Variants in ZNF692 observed in about 807,000 individuals in gnomAD.
ZNF692 encodes the protein zinc finger protein 692.
Under a neutral mutation model 49.0 loss-of-function variants are expected in ZNF692, and 41 were observed. The observed-to-expected ratio is 0.84, with a 90% CI of 0.65 to 1.08. The LOEUF (loss-of-function observed/expected upper bound fraction) is 1.08, where lower values mean the gene tolerates loss of function less well. Ranked by LOEUF, ZNF692 falls within the 50% of genes least tolerant of loss-of-function variation. The pLI is 0.00. For synonymous variants in ZNF692, 288 were observed against 251.5 expected (o/e 1.15, Z -1.37); for missense variants, 662 against 662.2 (o/e 1.00, Z 0.00).
Position 248,853,985 on chromosome 1 carries a change from A to G in ZNF692, c.1105T>C (p.Ser369Pro). ...FSCPEPACGK[S>P]FNFKKHLKEH... Reference sequence around the variant, plus strand: ...TTCAGGTGTTTCTTAAAGTTGAAAGACTTCCCACAGGCTGGCTCTGGGCAG... The same window carrying G: ...TTCAGGTGTTTCTTAAAGTTGAAAGGCTTCCCACAGGCTGGCTCTGGGCAG... The change falls in exon 10 of 12, where the codon TCT (serine) becomes CCT (proline). Residue 369 changes from serine to proline, a missense_variant. By Grantham distance (74) the Ser-to-Pro change is moderately conservative (BLOSUM62 -1). Transcript: ENST00000306601. 1.9e-6 allele frequency: 3 copies of G among 1,614,164 alleles called. No individual in the cohort carries two copies. Among genetic ancestry groups the G allele is most frequent in the Non-Finnish European group, 2.5e-6 (3 of 1,180,020 alleles).
chr1:248,858,533 G>T lies in ZNF692; in HGVS notation c.-12-212C>A. ...CTACCATGTGAGTGTCGTCGGGTGG[G>T]AGGCAGGCAGACAGAAGCAGTCAGA... On this transcript the variant is annotated intron_variant, in intron 1 of 11. Transcript: ENST00000306601. The surrounding 1 kb of genome is among the most constrained non-coding windows in gnomAD (Gnocchi z 4.3). 1 of 1,551,766 alleles carries T rather than the reference G, an allele frequency of 6.4e-7. No homozygotes were observed. Among genetic ancestry groups the T allele is most frequent in the South Asian group, 1.2e-5 (1 of 84,068 alleles).
chr1:248,857,725 C>G (rs1660403323), intron 3 of ZNF692, 103 bp downstream of exon 3: 1 of 1,530,842 alleles, frequency 6.5e-7, no homozygotes, highest in South Asian at 1.3e-5. Flanking sequence ...TCACCCCACC[C>G]TTCCCAAACT....
At chr1:248,857,708 CCCCAACTCACCCCA>C in intron 3 of ZNF692, 106 bp downstream of exon 3, 1 of 1,505,162 alleles carries the variant, frequency 6.6e-7, no homozygotes, top group Non-Finnish European at 8.9e-7. Flanking sequence ...ACCCTGTGCT[CCCCAACTCACCCCA>C]CCCTTCCCAA....
intron 4 of ZNF692, 89 bp downstream of exon 4, chr1:248,857,145 T>C (rs1027229981): frequency 7.5e-7 from 1 of 1,337,914 alleles, no homozygotes; most frequent in Non-Finnish European, 1.0e-6. Context: ...TGAAAAAGGA[T>C]CATTTTTAGA....
chr1:248,856,255 T>C, intron 6 of ZNF692, 33 bp downstream of exon 6: 1 of 1,552,384 alleles, frequency 6.4e-7, no homozygotes, highest in Non-Finnish European at 8.7e-7. Flanking sequence ...CTCCCTCTCT[T>C]GCTCTGCTCA....
rs1659433189 is a variant in ZNF692, at chr1:248,850,509, T to C, written c.1261A>G (p.Ile421Val). 1.2e-6 allele frequency: 2 copies of C among 1,606,240 alleles called. No homozygotes were observed. Among genetic ancestry groups the C allele is most frequent in the Non-Finnish European group, 1.7e-6 (2 of 1,175,628 alleles). The change falls in exon 12 of 12, where the codon ATA (isoleucine) becomes GTA (valine). Residue 421 changes from isoleucine to valine, a missense_variant. Coordinates refer to ENST00000306601, the MANE Select transcript of ZNF692 (RefSeq NM_017865.4). ...HTGEKPLQCEICGFTCRQKAS... is the reference protein window; with the variant it reads ...HTGEKPLQCEVCGFTCRQKAS... ...TTCTGGCGGCAGGTAAACCCGCATA[T>C]CTCACACCTGGAGTCAGGGACAGAA... is the stretch of plus-strand genomic sequence containing the variant.
At chr1:248,857,807 C>T (rs751331126) in intron 3 of ZNF692, 21 bp downstream of exon 3, 1 of 1,612,948 alleles carries the variant, frequency 6.2e-7, no homozygotes, top group Admixed American at 1.7e-5. Flanking sequence ...TGGCTCTCAC[C>T]CCCTGCCATC....
Position 248,855,771 on chromosome 1 carries a change from G to A in ZNF692, c.835C>T (p.Leu279Phe). 1 of 1,614,208 alleles carries A rather than the reference G, an allele frequency of 6.2e-7. No homozygotes were observed. Among genetic ancestry groups the A allele is most frequent in the Non-Finnish European group, 8.5e-7 (1 of 1,180,050 alleles). ...PPAEVRVQPQLSRTPQAAQQT... is the reference protein window; with the variant it reads ...PPAEVRVQPQFSRTPQAAQQT... The stretch of plus-strand genomic sequence containing the variant: ...TGGGCCGCTTGAGGGGTCCTGCTGA[G>A]CTGTGGCTGCACCCTGACTTCTGCA... The change falls in exon 7 of 12, where the codon CTC becomes TTC. Residue 279 changes from leucine (L) to phenylalanine (F), a missense_variant. Leu to Phe is a conservative substitution (Grantham distance 22). Transcript: ENST00000306601.
Position 248,857,517 on chromosome 1 carries a change from A to G in ZNF692, c.212-20T>C. ...CAGGACCTGGAGGGGTGGGGGAAGCAGTCAGGCTGAACTGGGAAGTCTCCT... is the reference window on the plus strand; with the variant it reads ...CAGGACCTGGAGGGGTGGGGGAAGCGGTCAGGCTGAACTGGGAAGTCTCCT... On this transcript the variant is annotated intron_variant, in intron 3 of 11. Coordinates refer to ENST00000306601, the MANE Select transcript of ZNF692 (RefSeq NM_017865.4). 6.2e-7 allele frequency: 1 copy of G among 1,603,228 alleles called. No homozygotes were observed. Among genetic ancestry groups the G allele is most frequent in the Non-Finnish European group, 8.5e-7 (1 of 1,173,900 alleles).
Position 248,857,260 on chromosome 1 carries a change from T to A in ZNF692, c.449A>T (p.Glu150Val). 1 of 1,614,028 alleles carries A rather than the reference T, an allele frequency of 6.2e-7. No individual in the cohort carries two copies. The highest frequency in any genetic ancestry group is 8.5e-7 in the Non-Finnish European group (1 of 1,179,944). ...PHTTRRSWCSEATSGQELADL... is the reference protein window; with the variant it reads ...PHTTRRSWCSVATSGQELADL... The stretch of plus-strand genomic sequence containing the variant: ...TGCAAGCTCCTGCCCACTCGTGGCC[T>A]CGGAACACCAACTTCTCCGAGTAGT... Residue 150 changes from glutamate to valine, a missense_variant, in exon 4 of 12, where the codon GAG (glutamate) becomes GTG (valine). By Grantham distance (121) the Glu-to-Val change is moderately radical. Transcript: ENST00000306601.
rs1442149845 is a variant in ZNF692, at chr1:248,850,415, A to G, written c.1355T>C (p.Phe452Ser). The stretch of plus-strand genomic sequence containing the variant: ...TGGCTTCTCAAAGCGCTTGCCGCAG[A>G]ATTCACAGGGGAAGCGCAAGGCAGC... ...TVAALRFPCE[F>S]CGKRFEKPDS... The change falls in exon 12 of 12, where the codon TTC becomes TCC. Residue 452 changes from phenylalanine to serine, a missense_variant. Phe to Ser is a radical substitution (Grantham distance 155, BLOSUM62 -2). Transcript: ENST00000306601. The G allele has an allele frequency of 6.2e-7, 1 of 1,614,050 alleles. No homozygotes were observed. The highest frequency in any genetic ancestry group is 8.5e-7 in the Non-Finnish European group (1 of 1,180,020).
At position 248,858,249 on chromosome 1, in the gene ZNF692, C is replaced by T; in HGVS notation, c.61G>A (p.Asp21Asn). 1 of 1,583,040 alleles carries T rather than the reference C, an allele frequency of 6.3e-7. No individual in the cohort carries two copies. Residue 21 changes from aspartate (D) to asparagine (N), a missense_variant, in exon 2 of 12, where the codon GAC (aspartate) becomes AAC (asparagine). Transcript: ENST00000306601. This position sits in a 1 kb window ranked among gnomAD's most constrained non-coding sequence, Gnocchi z 4.3. ...CRRREKRRQL[D>N]ARRSKCRIRL... Reference sequence around the variant, plus strand: ...ATGCGGCACTTGCTGCGGCGCGCGTCCAGCTGCCGCCGCTTCTCCCGCCGC... The same window carrying T: ...ATGCGGCACTTGCTGCGGCGCGCGTTCAGCTGCCGCCGCTTCTCCCGCCGC...
In ZNF692 at chr1:248,855,368, T is replaced by A. The variant is rs751796837; in HGVS notation, c.1038+12A>T. The A allele has an allele frequency of 3.4e-5, 55 of 1,613,868 alleles. No homozygotes were observed. The highest frequency in any genetic ancestry group is 2.7e-4 in the Admixed American group (16 of 59,994). On this transcript the variant is annotated intron_variant, in intron 9 of 11. Transcript: ENST00000306601. ...CCCAGCAGCCACACAGGCCCCAACCTGTGCCCCTCACATTCAAATACTGCC... is the reference window on the plus strand; with the variant it reads ...CCCAGCAGCCACACAGGCCCCAACCAGTGCCCCTCACATTCAAATACTGCC...
intron 10 of ZNF692, among the ~76,000 whole-genome samples, chr1:248,853,621 C>T (rs1659878088): frequency 6.6e-6 from 1 of 152,256 alleles, no homozygotes; most frequent in South Asian, 2.1e-4. Flanking sequence ...CTTATGCTCT[C>T]CTCCTTTCCC....
chr1:248,854,763 T>C (rs933907658), intron 9 of ZNF692, among the ~76,000 whole-genome samples: 8 of 152,190 alleles, frequency 5.3e-5, no homozygotes, highest in Non-Finnish European at 1.0e-4. Context: ...CACAGCAGAC[T>C]CCAGAATGTC....
intron 6 of ZNF692, 157 bp from the exon 7 acceptor site, chr1:248,856,103 C>T: frequency 8.3e-7 from 1 of 1,209,250 alleles, no homozygotes. Flanking sequence ...CCCTCAATCT[C>T]CCTGCACCTG....
intron 10 of ZNF692, among the ~76,000 whole-genome samples, chr1:248,853,120 G>T (rs1659796485): frequency 6.6e-6 from 1 of 152,116 alleles, no homozygotes; most frequent in African/African-American, 2.4e-5. Flanking sequence ...CCACTCGACT[G>T]CAGCCAACCC....
chr1:248,853,420 G>C lies in ZNF692; in HGVS notation c.1153+517C>G, dbSNP rs559543584. Among the ~76,000 whole-genome samples the C allele has an allele frequency of 7.2e-5, 11 of 152,270 alleles. No homozygotes were observed. The East Asian group carries it at 1.9e-3, about 27-fold the overall frequency. On this transcript the variant is annotated intron_variant, in intron 10 of 11. Transcript: ENST00000306601. Reference sequence around the variant, plus strand: ...AACTGTCCTGTGGATGGTCTCAGAGGCCTCCATCAACTATGTGACTTCTCT... The same window carrying C: ...AACTGTCCTGTGGATGGTCTCAGAGCCCTCCATCAACTATGTGACTTCTCT...
chr1:248,857,437 C>T lies in ZNF692; in HGVS notation c.272G>A (p.Ser91Asn). The change falls in exon 4 of 12, where the codon AGC becomes AAC. Residue 91 changes from serine (S) to asparagine (N), a missense_variant. Ser to Asn is a conservative substitution (Grantham distance 46). Transcript: ENST00000306601. ...CCCGGGCACCAGGCTGCACTCTCGG[C>T]TGTGGGCATGAGACAAGAGCACCAG... ...QYLVLLSHAH[S>N]RECSLVPGLR... 1 of 1,614,088 alleles carries T rather than the reference C, an allele frequency of 6.2e-7. No individual in the cohort carries two copies. Among genetic ancestry groups the T allele is most frequent in the Non-Finnish European group, 8.5e-7 (1 of 1,180,026 alleles).
Sources: gnomAD v4.1 joint callset for allele counts (sites outside exome capture counted in the v4.1 genomes callset) on GRCh38, gnomAD v4.1.1 for gene constraint, Gnocchi (gnomAD v3.1) non-coding constraint, MANE v1.5 for transcripts, NCBI Gene and HGNC (gene_info 2026-07-23, HGNC 2026-07-21) for gene names.